Variants in SAP130 observed in about 807,000 individuals in gnomAD.
SAP130 encodes Sin3A associated protein 130.
Under a neutral mutation model 103.2 loss-of-function variants are expected in SAP130, and 16 were observed. The ratio of observed to expected loss-of-function variants is 0.16; its 90% CI spans 0.10 to 0.24. The LOEUF (loss-of-function observed/expected upper bound fraction) is 0.24. Among genes scored for constraint, SAP130 ranks in the 10% least tolerant of loss-of-function variants. The pLI is 1.00. For synonymous variants in SAP130, 477 were observed against 497.0 expected (o/e 0.96, Z 0.53); for missense variants, 990 against 1,359.7 (o/e 0.73, Z 4.28).
Position 127,941,679 on chromosome 2 carries a change from A to G in SAP130, c.*327T>C. On this transcript the variant is annotated 3_prime_UTR_variant, in exon 21 of 21. Coordinates refer to ENST00000643581, the MANE Select transcript of SAP130 (RefSeq NM_001330301.2). ...GCCTGCAGGAATCCACTAGATAAAT[A>G]CAGTCTATAAACCGGAAGGCTGAAA... The G allele has an allele frequency of 6.4e-6, 2 of 310,798 alleles. No homozygotes were observed. The highest frequency in any genetic ancestry group is 1.0e-4 in the East Asian group (1 of 10,048). The allele number at this position is 310,798 out of a possible 1,614,324, so 19.3% of individuals were successfully genotyped here.
intron 5 of SAP130, 37 bp from the exon 6 acceptor site, chr2:128,013,191 T>G (rs1239483181): frequency 5.8e-6 from 9 of 1,542,516 alleles, no homozygotes; most frequent in Non-Finnish European, 7.8e-6. Flanking sequence ...TTTATTCTAG[T>G]TATATTCCCT....
chr2:128,002,982 C>T (rs1683673323), intron 7 of SAP130, among the ~76,000 whole-genome samples: 1 of 151,970 alleles, frequency 6.6e-6, no homozygotes, highest in South Asian at 2.1e-4. Context: ...TAAAAATTAG[C>T]TGGGCATGGC....
chr2:127,962,931 C>G (rs1199149146), intron 15 of SAP130, among the ~76,000 whole-genome samples: 1 of 148,386 alleles, frequency 6.7e-6, no homozygotes, highest in African/African-American at 2.5e-5. Context: ...ATAGAATAAA[C>G]TAGAAATAAT....
chr2:128,011,797 C>T (rs544729170), intron 6 of SAP130, among the ~76,000 whole-genome samples: 2 of 152,292 alleles, frequency 1.3e-5, no homozygotes, highest in East Asian at 1.9e-4. Flanking sequence ...GTATGTGATT[C>T]AGCTAGATTA....
intron 7 of SAP130, among the ~76,000 whole-genome samples, chr2:128,009,245 G>A (rs1684210105): frequency 6.6e-6 from 1 of 152,134 alleles, no homozygotes; most frequent in Non-Finnish European, 1.5e-5. Flanking sequence ...GGCGATGCGA[G>A]GATCACTTGA....
At position 127,942,167 on chromosome 2, in the gene SAP130, G is replaced by A; in HGVS notation, c.3016-3C>T. On this transcript the variant is annotated splice_region_variant and splice_polypyrimidine_tract_variant and intron_variant, in intron 20 of 20. Coordinates refer to ENST00000643581, the MANE Select transcript of SAP130 (RefSeq NM_001330301.2). The surrounding 1 kb of genome is among the most constrained non-coding windows in gnomAD (Gnocchi z 4.8). ...AGTTTACACCTCTGCATATTTCCCT[G>A]AAACAGAAGACATTGCATCATCAAT... The A allele has an allele frequency of 1.3e-6, 2 of 1,584,188 alleles. No homozygotes were observed. The highest frequency in any genetic ancestry group is 1.7e-6 in the Non-Finnish European group (2 of 1,170,758).
chr2:127,981,316 CCAAT>C (rs1681863896), intron 14 of SAP130, among the ~76,000 whole-genome samples: 2 of 145,462 alleles, frequency 1.4e-5, no homozygotes, highest in African/African-American at 2.5e-5. Flanking sequence ...TCCTGCACCC[CCAAT>C]TCAGCTCCCC....
intron 15 of SAP130, among the ~76,000 whole-genome samples, chr2:127,958,663 A>T (rs1383589112): frequency 6.6e-6 from 1 of 150,760 alleles, no homozygotes; most frequent in Admixed American, 6.6e-5. Flanking sequence ...AGAGAGAGAG[A>T]GAGAGAGAGA....
intron 7 of SAP130, among the ~76,000 whole-genome samples, chr2:128,003,826 C>G (rs1393864148): frequency 6.6e-6 from 1 of 152,008 alleles, no homozygotes; most frequent in Non-Finnish European, 1.5e-5. Flanking sequence ...CTCAGCATCC[C>G]CAATCCAAAA....
intron 3 of SAP130, 136 bp downstream of exon 3, chr2:128,017,544 G>A (rs577864091): frequency 4.2e-6 from 3 of 721,296 alleles, no homozygotes; most frequent in Non-Finnish European, 6.8e-6. Context: ...GTTACAGAAA[G>A]GAGCTGAACT....
chr2:128,022,871 C>G (rs781775780), intron 2 of SAP130, among the ~76,000 whole-genome samples: 7 of 152,084 alleles, frequency 4.6e-5, no homozygotes, highest in Non-Finnish European at 8.8e-5. Context: ...ACTCCGTCAC[C>G]CAGGCTGGGG....
intron 19 of SAP130, among the ~76,000 whole-genome samples, chr2:127,943,243 C>A (rs1678834079): frequency 6.6e-6 from 1 of 152,158 alleles, no homozygotes; most frequent in Admixed American, 6.5e-5. Flanking sequence ...GTCACTGCTA[C>A]TGAAGAGGAA....
rs1679603175 is a variant in SAP130 at position 127,953,107 on chromosome 2, C to T, written c.2422+1879G>A. Among the ~76,000 whole-genome samples, 1 of 152,114 alleles carries T rather than the reference C, an allele frequency of 6.6e-6. No homozygotes were observed. Reference sequence around the variant, plus strand: ...CATCTGAAACTTACCCTATCAAAAACTAAACTCCTAATCTTTCCCTACAAA... The same window carrying T: ...CATCTGAAACTTACCCTATCAAAAATTAAACTCCTAATCTTTCCCTACAAA... On this transcript the variant is annotated intron_variant, in intron 16 of 20. Transcript: ENST00000643581. This position sits in a 1 kb window ranked among gnomAD's most constrained non-coding sequence, Gnocchi z 4.0.
chr2:128,004,164 A>C (rs1174987821), intron 7 of SAP130, among the ~76,000 whole-genome samples: 1 of 151,578 alleles, frequency 6.6e-6, no homozygotes, highest in East Asian at 1.9e-4. Context: ...AGAGACTGCC[A>C]GTGTGGTATT....
At chr2:128,002,809 C>T (rs1254953335) in intron 7 of SAP130, among the ~76,000 whole-genome samples, 1 of 152,116 alleles carries the variant, frequency 6.6e-6, no homozygotes, top group Non-Finnish European at 1.5e-5. Context: ...TACTCAAAGG[C>T]TAACGGGAGT....
rs1188253573 is a variant in SAP130, at chr2:127,944,901, CAAAA to C, written c.2901+551_2901+554del. On this transcript the variant is annotated intron_variant, in intron 19 of 20. Transcript: ENST00000643581. ...TGGGTAACAGAGCAAGACCTTGTCT[CAAAA>C]AAAAAAAAAAAAAAAAAAAGAACAG... 4.9e-4 allele frequency among the ~76,000 whole-genome samples: 38 copies of C among 77,534 alleles called. No individual in the cohort carries two copies. In the East Asian group the frequency reaches 0.014, roughly 29 times the overall value. The allele number at this position is 77,534 out of a possible 152,430, so 50.9% of individuals were successfully genotyped here. A position where few individuals can be genotyped will look rare whatever the true frequency, so the allele number is the denominator to read the frequency against.
Position 127,986,808 on chromosome 2 carries a change from G to A in SAP130, c.1935C>T (p.Leu645=). Residue 645 remains leucine, a synonymous_variant, in exon 14 of 21, where the codon CTC becomes CTT. Coordinates refer to ENST00000643581, the MANE Select transcript of SAP130 (RefSeq NM_001330301.2). This position sits in a 1 kb window ranked among gnomAD's most constrained non-coding sequence, Gnocchi z 4.7. ...ACCCATCTGTGGCAGGTTTCTTCCG[G>A]AGTATGCTTGGCCGTGGCGATGAGC... ...AQGSSPRPSI[L]RKKPATDGMA... The A allele has an allele frequency of 6.2e-7, 1 of 1,614,100 alleles. No individual in the cohort carries two copies. The highest frequency in any genetic ancestry group is 8.5e-7 in the Non-Finnish European group (1 of 1,180,000).
intron 15 of SAP130, among the ~76,000 whole-genome samples, chr2:127,957,437 G>A (rs1679919665): frequency 6.6e-6 from 1 of 152,212 alleles, no homozygotes; most frequent in Admixed American, 6.5e-5. Flanking sequence ...TGCTTTGGGA[G>A]GCCATGGCAG....
chr2:127,978,131 G>C (rs1055387035), intron 14 of SAP130, 42 bp from the exon 15 acceptor site: 3 of 1,430,402 alleles, frequency 2.1e-6, no homozygotes, highest in Admixed American at 3.9e-5. Flanking sequence ...AGCAGTCCAA[G>C]GGCATTCAAG....
Sources: allele counts gnomAD v4.1 joint callset (sites outside exome capture counted in the v4.1 genomes callset), GRCh38; gene constraint gnomAD v4.1.1; non-coding constraint Gnocchi (gnomAD v3.1); transcripts MANE v1.5; gene names NCBI Gene and HGNC (gene_info 2026-07-23, HGNC 2026-07-21).